The following LIG1 variants were observed in gnomAD, a reference collection of about 807,000 sequenced individuals.
LIG1 encodes DNA ligase 1.
A neutral mutation model predicts 115.7 loss-of-function variants in LIG1; 70 were observed. That is an observed-to-expected ratio of 0.60 (90% CI 0.50 to 0.74). LIG1 has a LOEUF of 0.74. LIG1 is among the 30% of genes least tolerant of loss of function. The pLI is 0.00. For missense variants in LIG1, 1,115 were observed against 1,225.6 expected (o/e 0.91, Z 1.35); for synonymous variants, 487 against 495.3 (o/e 0.98, Z 0.22).
intron 1 of LIG1, 141 bp from the exon 2 acceptor site, chr19:48,165,764 T>C (rs2036449199): frequency 2.9e-6 from 2 of 700,830 alleles, no homozygotes; most frequent in Non-Finnish European, 5.0e-6. Context: ...CCTGTTTTTA[T>C]GAACCAAAAT....
rs1555784937 is a variant in LIG1 at position 48,169,911 on chromosome 19, T to TCCCC, written c.-58+326_-58+329dup. 683 of 79,932 alleles carry TCCCC rather than the reference T, an allele frequency of 8.5e-3. 17 individuals carry two copies. Among genetic ancestry groups the TCCCC allele is most frequent in the African/African-American group, 0.03 (461 of 15,248 alleles). The allele number at this position is 79,932 out of a possible 1,614,324, so 5.0% of individuals were successfully genotyped here. On this transcript the variant is annotated intron_variant, in intron 1 of 27. Transcript: ENST00000263274. ...CCAGCTGGCCCCGCCCACACAGTTT[T>TCCCC]CCCCCCCCCGGCCCCGCCCCTCAGT...
intron 6 of LIG1, among the ~76,000 whole-genome samples, chr19:48,152,932 C>A (rs1363954066): frequency 6.6e-6 from 1 of 152,156 alleles, no homozygotes; most frequent in Non-Finnish European, 1.5e-5. Flanking sequence ...CGCAGTGGCT[C>A]ACGCCTGTAA....
rs1349145930 is a variant in LIG1, at chr19:48,137,657, T to C, written c.1119A>G (p.Ala373=). ...CCAGCCCCACGTCGCCTTTCTCGGC[T>C]GCCTCAGCCCGGACGGACTCCAGCT... is the stretch of plus-strand genomic sequence containing the variant. ...GRQLESVRAE[A]AEKGDVGLVA... Residue 373 remains alanine, a synonymous_variant, in exon 13 of 28, where the codon GCA becomes GCG. Coordinates refer to ENST00000263274, the MANE Select transcript of LIG1 (RefSeq NM_000234.3). The surrounding 1 kb of genome is among the most constrained non-coding windows in gnomAD (Gnocchi z 4.3). 5 of 1,607,516 alleles carry C rather than the reference T, an allele frequency of 3.1e-6. No individual in the cohort carries two copies. Among genetic ancestry groups the C allele is most frequent in the Non-Finnish European group, 4.2e-6 (5 of 1,179,512 alleles).
At chr19:48,130,186 GA>G (rs1274156233) in intron 19 of LIG1, among the ~76,000 whole-genome samples, 4 of 152,200 alleles carry the variant, frequency 2.6e-5, no homozygotes, top group African/African-American at 9.6e-5. Context: ...AACTTTTAGG[GA>G]AATTACATCT....
Position 48,170,312 on chromosome 19 carries a change from A to AGTTCGCGCCACGGC in LIG1, c.-143_-130dup, listed in dbSNP as rs1456868197. 1.1e-5 allele frequency: 5 copies of AGTTCGCGCCACGGC among 448,988 alleles called. No homozygotes were observed. The highest frequency in any genetic ancestry group is 6.2e-5 in the African/African-American group (3 of 48,752). The allele number at this position is 448,988 out of a possible 1,614,324, so 27.8% of individuals were successfully genotyped here. A position where few individuals can be genotyped will look rare whatever the true frequency, so the allele number is the denominator to read the frequency against. On this transcript the variant is annotated 5_prime_UTR_variant, in exon 1 of 28. It introduces an in-frame stop codon into an upstream open reading frame of the 5' UTR. Transcript: ENST00000263274. ...CGCCAGGCGCGCCTCTGCAGTCCCA[A>AGTTCGCGCCACGGC]GTTCGCGCCACGGCATTCGCGCGCA... is the stretch of plus-strand genomic sequence containing the variant.
chr19:48,145,546 T>TGATGC (rs148354800), intron 9 of LIG1, among the ~76,000 whole-genome samples: 45,711 of 151,836 alleles, frequency 0.3, 7,893 homozygotes, highest in East Asian at 0.55. Context: ...CAGCTGATTC[T>TGATGC]GATGCTCACA....
At chr19:48,148,047 A>C (rs1401236027) in intron 9 of LIG1, among the ~76,000 whole-genome samples, 1 of 145,170 alleles carries the variant, frequency 6.9e-6, no homozygotes, top group African/African-American at 2.4e-5. Context: ...GGGGACACGC[A>C]CCTCCTCTCA....
intron 17 of LIG1, chr19:48,133,315 G>A (rs1017479600): frequency 4.3e-5 from 25 of 576,398 alleles, no homozygotes; most frequent in Admixed American, 8.9e-5. Context: ...TGGAACCCAC[G>A]CAGCATGTGC....
At chr19:48,126,057 T>G (rs1644120027) in intron 21 of LIG1, among the ~76,000 whole-genome samples, 1 of 151,664 alleles carries the variant, frequency 6.6e-6, no homozygotes, top group Non-Finnish European at 1.5e-5. Context: ...AGAGCTTCCA[T>G]GTACTAACTA....
At chr19:48,146,421 T>A (rs532402037) in intron 9 of LIG1, among the ~76,000 whole-genome samples, 9 of 152,110 alleles carry the variant, frequency 5.9e-5, no homozygotes, top group Admixed American at 1.3e-4. Flanking sequence ...TTTGATGTCA[T>A]GCCTCTACAA....
chr19:48,143,638 A>G (rs1284214288), intron 10 of LIG1, 39 bp from the exon 11 acceptor site: 2 of 1,558,388 alleles, frequency 1.3e-6, no homozygotes, highest in Admixed American at 3.3e-5. Context: ...ACAGTGGTGC[A>G]GGCTATACCA....
chr19:48,132,890 A>G, intron 18 of LIG1, 92 bp downstream of exon 18: 1 of 888,296 alleles, frequency 1.1e-6, no homozygotes, highest in Non-Finnish European at 1.9e-6. Context: ...TCTGTGGCGC[A>G]GGCCGGCTTG....
chr19:48,162,645 G>A (rs2036250742), intron 2 of LIG1, among the ~76,000 whole-genome samples: 1 of 152,062 alleles, frequency 6.6e-6, no homozygotes, highest in African/African-American at 2.4e-5. Context: ...GTGTTAGCCA[G>A]GATGGTCTCG....
At chr19:48,138,347 C>A (rs2034528508) in intron 12 of LIG1, among the ~76,000 whole-genome samples, 1 of 152,204 alleles carries the variant, frequency 6.6e-6, no homozygotes, top group Admixed American at 6.5e-5. Flanking sequence ...CCTGCCTACA[C>A]CTATCGAGAT....
chr19:48,132,935 T>C, intron 18 of LIG1, 47 bp downstream of exon 18: 1 of 1,403,670 alleles, frequency 7.1e-7, no homozygotes, highest in South Asian at 1.2e-5. Flanking sequence ...ACCCCTGCTC[T>C]TTGACGTTTT....
At chr19:48,163,772 C>T (rs1254777946) in intron 2 of LIG1, among the ~76,000 whole-genome samples, 8 of 151,696 alleles carry the variant, frequency 5.3e-5, no homozygotes, top group Non-Finnish European at 1.0e-4. Context: ...TGAAACCCTG[C>T]TTCTACTAAA....
At chr19:48,120,145 G>A (rs1311367554) in intron 24 of LIG1, 11 of 981,518 alleles carry the variant, frequency 1.1e-5, no homozygotes, top group East Asian at 1.1e-4. Context: ...TTAGGTTAAC[G>A]GACACTAAGT....
chr19:48,155,800 G>C (rs2035794559), intron 5 of LIG1, among the ~76,000 whole-genome samples: 1 of 152,172 alleles, frequency 6.6e-6, no homozygotes, highest in Non-Finnish European at 1.5e-5. Flanking sequence ...AACATGATCT[G>C]TGTAGGTTTC....
At position 48,137,023 on chromosome 19, in the gene LIG1, G is replaced by A; in HGVS notation, c.1316C>T (p.Ala439Val). ...GLFVACRHSE[A>V]RFIARSLSGR... ...ACACGCTTACCTAGCGATGAACCGG[G>A]CTTCTGAGTGGCGGCAGGCCACAAA... Residue 439 changes from alanine to valine, a missense_variant, in exon 14 of 28, where the codon GCC becomes GTC. Ala to Val is a moderately conservative substitution (Grantham distance 64). Transcript: ENST00000263274. The surrounding 1 kb of genome is among the most constrained non-coding windows in gnomAD (Gnocchi z 4.3). 2 of 1,612,908 alleles carry A rather than the reference G, an allele frequency of 1.2e-6. No homozygotes were observed. Among genetic ancestry groups the A allele is most frequent in the Non-Finnish European group, 8.5e-7 (1 of 1,179,582 alleles).
Sources: gnomAD v4.1 joint callset for allele counts (sites outside exome capture counted in the v4.1 genomes callset) on GRCh38, gnomAD v4.1.1 for gene constraint, Gnocchi (gnomAD v3.1) non-coding constraint, MANE v1.5 for transcripts, NCBI Gene and HGNC (gene_info 2026-07-23, HGNC 2026-07-21) for gene names.